LIMD1: variants seen among roughly 807,000 people sequenced by gnomAD.
LIMD1 encodes LIM domain-containing protein 1.
Under a neutral mutation model 58.4 loss-of-function variants are expected in LIMD1, and 23 were observed. The observed-to-expected ratio is 0.39, with a 90% CI of 0.28 to 0.56. The LOEUF is 0.56. Among genes scored for constraint, LIMD1 ranks in the 20% least tolerant of loss-of-function variants. The pLI is 0.57. For missense variants in LIMD1, 838 were observed against 855.5 expected, an observed-to-expected ratio of 0.98 and a Z score of 0.25; for synonymous variants, 334 against 345.5, an observed-to-expected ratio of 0.97 and a Z score of 0.37.
intron 1 of LIMD1, among the ~76,000 whole-genome samples, chr3:45,604,981 T>C (rs546303201): frequency 3.8e-4 from 58 of 152,384 alleles, no homozygotes; most frequent in African/African-American, 1.3e-3. Context: ...TAAAAAGTTA[T>C]GTTTCTTTAC....
rs531303298 is a variant in LIMD1, at chr3:45,622,333, G to A, written c.1409-13817G>A. ...AAATTACAGTAGTCTGCCCTCATGC[G>A]TGAGGGATATAGTCCAAGACCCCCA... On this transcript the variant is annotated intron_variant, in intron 1 of 7. Transcript: ENST00000273317. Among the ~76,000 whole-genome samples, 11 of 152,204 alleles carry A rather than the reference G, an allele frequency of 7.2e-5. No homozygotes were observed. In the East Asian group the frequency reaches 1.2e-3, roughly 16 times the overall value.
chr3:45,604,588 C>G (rs1490143492), intron 1 of LIMD1, among the ~76,000 whole-genome samples: 1 of 152,192 alleles, frequency 6.6e-6, no homozygotes, highest in Non-Finnish European at 1.5e-5. Context: ...TGGCCCACCC[C>G]TCCTGTGCCT....
At chr3:45,629,538 G>A (rs756282521) in intron 1 of LIMD1, among the ~76,000 whole-genome samples, 84 of 152,108 alleles carry the variant, frequency 5.5e-4, no homozygotes, top group Admixed American at 3.7e-3. Flanking sequence ...GGACCTAGGT[G>A]AGGACAGGCA....
rs768765959 is a variant in LIMD1 at position 45,672,840 on chromosome 3, G to A, written c.1772+20G>A. On this transcript the variant is annotated intron_variant, in intron 5 of 7. Transcript: ENST00000273317. ...CCACAAGTAAGAAGGGATGGGAGCA[G>A]ACAGGACCCATTCGTGTAGGCCAAG... 6.2e-7 allele frequency: 1 copy of A among 1,612,906 alleles called. No individual in the cohort carries two copies. The highest frequency in any genetic ancestry group is 2.2e-5 in the East Asian group (1 of 44,822).
intron 1 of LIMD1, among the ~76,000 whole-genome samples, chr3:45,625,493 C>T (rs1701661310): frequency 6.6e-6 from 1 of 152,138 alleles, no homozygotes; most frequent in Non-Finnish European, 1.5e-5. Context: ...TATTTGGCAT[C>T]TACTGTGTGT....
At chr3:45,636,007 A>T in intron 1 of LIMD1, 143 bp from the exon 2 acceptor site, 2 of 1,514,444 alleles carry the variant, frequency 1.3e-6, no homozygotes, top group Non-Finnish European at 1.8e-6. Flanking sequence ...GGAGAGAAAG[A>T]CACTTCAAAT....
intron 1 of LIMD1, among the ~76,000 whole-genome samples, chr3:45,624,979 A>G (rs1232130961): frequency 6.6e-6 from 1 of 150,654 alleles, no homozygotes; most frequent in Non-Finnish European, 1.5e-5. Flanking sequence ...TGTGCAGAAG[A>G]TGATTTAATA....
Position 45,594,862 on chromosome 3 carries a change from C to T in LIMD1, c.-18C>T, listed in dbSNP as rs758986202. ...ACACACACGGCACCTGGGCTAGGCCCGGACACCTGTCTGCAGCATGGATAA... is the reference window on the plus strand; with the variant it reads ...ACACACACGGCACCTGGGCTAGGCCTGGACACCTGTCTGCAGCATGGATAA... On this transcript the variant is annotated 5_prime_UTR_variant, in exon 1 of 8. Coordinates refer to ENST00000273317, the MANE Select transcript of LIMD1 (RefSeq NM_014240.3). 1 of 1,581,640 alleles carries T rather than the reference C, an allele frequency of 6.3e-7. No homozygotes were observed. Among genetic ancestry groups the T allele is most frequent in the Non-Finnish European group, 8.6e-7 (1 of 1,164,872 alleles).
intron 6 of LIMD1, chr3:45,674,023 C>T (rs1697633277): frequency 3.1e-6 from 1 of 317,546 alleles, no homozygotes; most frequent in African/African-American, 2.1e-5. Context: ...AACTCCCTTA[C>T]TTGATACTAA....
At chr3:45,629,454 A>G (rs1002908505) in intron 1 of LIMD1, among the ~76,000 whole-genome samples, 1 of 151,712 alleles carries the variant, frequency 6.6e-6, no homozygotes, top group East Asian at 1.9e-4. Context: ...ATGTCACAAC[A>G]TACTGATACA....
intron 1 of LIMD1, among the ~76,000 whole-genome samples, chr3:45,618,675 C>G (rs1227813660): frequency 6.6e-6 from 1 of 152,214 alleles, no homozygotes; most frequent in African/African-American, 2.4e-5. Context: ...CATGATCTCA[C>G]TTAATCCTCA....
intron 1 of LIMD1, among the ~76,000 whole-genome samples, chr3:45,613,169 T>G (rs536846320): frequency 1.3e-5 from 2 of 152,284 alleles, no homozygotes; most frequent in South Asian, 2.1e-4. Context: ...TGAGAGAAGC[T>G]TTCTTCAGGC....
At chr3:45,640,836 G>T (rs1171275664) in intron 2 of LIMD1, among the ~76,000 whole-genome samples, 2 of 152,220 alleles carry the variant, frequency 1.3e-5, no homozygotes, top group Non-Finnish European at 2.9e-5. Context: ...TTCGGATTTT[G>T]TCAAAAAGTG....
intron 2 of LIMD1, among the ~76,000 whole-genome samples, chr3:45,646,789 T>C (rs1701912238): frequency 4.6e-5 from 7 of 151,456 alleles, no homozygotes; most frequent in Admixed American, 4.6e-4. Context: ...TGGGCTAAAG[T>C]GATCCTCCCA....
chr3:45,595,285 C>A lies in LIMD1; in HGVS notation c.406C>A (p.Pro136Thr). ...PYPPQEQRSR[P>T]YLHGTRHGSQ... ...CCCACCGCAGGAGCAGAGATCCAGG[C>A]CATACCTGCATGGCACGAGGCATGG... Residue 136 changes from proline (P) to threonine (T), a missense_variant, in exon 1 of 8, where the codon CCA becomes ACA. By Grantham distance (38) the Pro-to-Thr change is conservative. Around this residue, in one of 3 missense-constraint regions of LIMD1, gnomAD observed 659 missense variants for 639.8 expected, o/e 1.03. Coordinates refer to ENST00000273317, the MANE Select transcript of LIMD1 (RefSeq NM_014240.3). The A allele has an allele frequency of 1.2e-6, 2 of 1,613,052 alleles. No individual in the cohort carries two copies. The highest frequency in any genetic ancestry group is 1.7e-6 in the Non-Finnish European group (2 of 1,179,974).
rs1036481536 is a variant in LIMD1 at position 45,683,094 on chromosome 3, T to C, written c.*6035T>C. 3 of 152,234 alleles carry C rather than the reference T, an allele frequency of 2.0e-5. No individual in the cohort carries two copies. The highest frequency in any genetic ancestry group is 6.5e-5 in the Admixed American group (1 of 15,284). The allele number at this position is 152,234 out of a possible 1,614,324, so 9.4% of individuals were successfully genotyped here. On this transcript the variant is annotated 3_prime_UTR_variant, in exon 8 of 8. Coordinates refer to ENST00000273317, the MANE Select transcript of LIMD1 (RefSeq NM_014240.3). ...CACCTCCTCTCTGACCCTCCCTGCCTCCTTGTAAGGACACTTGGGATTACG... is the reference window on the plus strand; with the variant it reads ...CACCTCCTCTCTGACCCTCCCTGCCCCCTTGTAAGGACACTTGGGATTACG...
In LIMD1 at chr3:45,672,738, G is replaced by A; in HGVS notation, c.1690G>A (p.Val564Ile). Residue 564 changes from valine (V) to isoleucine (I), a missense_variant, in exon 5 of 8, where the codon GTC (valine) becomes ATC (isoleucine). Physicochemically the swap from Val to Ile is conservative, Grantham distance 29. Around this residue, in one of 3 missense-constraint regions of LIMD1, gnomAD observed 174 missense variants for 197.4 expected, o/e 0.88. Coordinates refer to ENST00000273317, the MANE Select transcript of LIMD1 (RefSeq NM_014240.3). ...CTACCACCCCGGCTGTTTCCGCTGT[G>A]TCATCTGTAATGAGTGTTTGGATGG... ...KSYHPGCFRC[V>I]ICNECLDGVP... The A allele has an allele frequency of 6.2e-7, 1 of 1,614,094 alleles. No homozygotes were observed. Among genetic ancestry groups the A allele is most frequent in the Admixed American group, 1.7e-5 (1 of 60,024 alleles).
At chr3:45,634,119 A>G (rs1701762765) in intron 1 of LIMD1, among the ~76,000 whole-genome samples, 1 of 152,214 alleles carries the variant, frequency 6.6e-6, no homozygotes, top group Non-Finnish European at 1.5e-5. Flanking sequence ...CACTTTTTTG[A>G]GACGACCTTT....
intron 2 of LIMD1, among the ~76,000 whole-genome samples, chr3:45,640,351 T>C (rs971654250): frequency 5.9e-5 from 9 of 152,244 alleles, no homozygotes; most frequent in Non-Finnish European, 1.3e-4. Context: ...CCAGGAAGCC[T>C]TCCCTGTTTC....
Sources: gnomAD v4.1 joint callset for allele counts (sites outside exome capture counted in the v4.1 genomes callset) on GRCh38, gnomAD v4.1.1 for gene constraint, gnomAD v4.1.1 regional missense constraint, MANE v1.5 for transcripts, NCBI Gene and HGNC (gene_info 2026-07-23, HGNC 2026-07-21) for gene names.